SHKBP1: variants seen among roughly 807,000 people sequenced by gnomAD.
The protein encoded by SHKBP1 is SH3KBP1 binding protein 1.
In SHKBP1, 71 loss-of-function variants were observed where a neutral mutation model predicts 83.9. That is an observed-to-expected ratio of 0.85 (90% CI 0.70 to 1.03). The LOEUF is 1.03. Ranked by LOEUF, SHKBP1 falls within the 50% of genes least tolerant of loss-of-function variation. SHKBP1 has a pLI of 0.00. For missense variants in SHKBP1, 824 were observed against 982.4 expected, an observed-to-expected ratio of 0.84 and a Z score of 2.16; for synonymous variants, 371 against 398.0, an observed-to-expected ratio of 0.93 and a Z score of 0.81.
At chr19:40,583,845 T>G in intron 12 of SHKBP1, 128 bp downstream of exon 12, 1 of 710,954 alleles carries the variant, frequency 1.4e-6, no homozygotes, top group South Asian at 1.7e-5. Context: ...CAACTCTCTC[T>G]CATTTTTTTT....
Position 40,590,830 on chromosome 19 carries a change from C to T in SHKBP1, c.1869C>T (p.Pro623=). ...SAPSWGCLPS[P]SPRISLTSLH... ...CCTCATGGGGCTGTCTCCCCAGCCC[C>T]TCACCCCGCATCTCCCTCACCAGGT... The change falls in exon 17 of 18, where the codon CCC becomes CCT. Residue 623 remains proline, a synonymous_variant. Coordinates refer to ENST00000291842, the MANE Select transcript of SHKBP1 (RefSeq NM_138392.4). The surrounding 1 kb of genome is among the most constrained non-coding windows in gnomAD (Gnocchi z 4.6). 6.3e-7 allele frequency: 1 copy of T among 1,590,270 alleles called. No homozygotes were observed. The highest frequency in any genetic ancestry group is 1.1e-5 in the South Asian group (1 of 89,514).
At chr19:40,583,132 G>C (rs1319294768) in intron 10 of SHKBP1, among the ~76,000 whole-genome samples, 3 of 152,090 alleles carry the variant, frequency 2.0e-5, no homozygotes, top group African/African-American at 7.2e-5. Context: ...AACATAATAA[G>C]ACTCTGTCTC....
chr19:40,586,440 C>T (rs966008204), intron 12 of SHKBP1, among the ~76,000 whole-genome samples: 2 of 151,210 alleles, frequency 1.3e-5, no homozygotes, highest in South Asian at 2.1e-4. Context: ...GGTCTTGGCT[C>T]ATTGCAACCT....
At position 40,590,866 on chromosome 19, in the gene SHKBP1, C is replaced by A; in HGVS notation, c.1892+13C>A. 1 of 1,574,948 alleles carries A rather than the reference C, an allele frequency of 6.3e-7. No individual in the cohort carries two copies. The highest frequency in any genetic ancestry group is 8.7e-7 in the Non-Finnish European group (1 of 1,152,320). On this transcript the variant is annotated intron_variant, in intron 17 of 17. Coordinates refer to ENST00000291842, the MANE Select transcript of SHKBP1 (RefSeq NM_138392.4). This position sits in a 1 kb window ranked among gnomAD's most constrained non-coding sequence, Gnocchi z 4.6. ...TCTCCCTCACCAGGTAGCCACAACT[C>A]CACTGCCCCTTCTGTGCAATGAGGG...
intron 10 of SHKBP1, 92 bp from the exon 11 acceptor site, chr19:40,583,306 T>G (rs1343476649): frequency 9.5e-7 from 1 of 1,047,782 alleles, no homozygotes. Context: ...GTTCTGGAGG[T>G]GGAGGAGAGG....
chr19:40,590,515 C>T lies in SHKBP1; in HGVS notation c.1768+93C>T. On this transcript the variant is annotated intron_variant, in intron 16 of 17. Transcript: ENST00000291842. This position sits in a 1 kb window ranked among gnomAD's most constrained non-coding sequence, Gnocchi z 4.6. ...CAACTGCTTGATCTCTCTCCCAGGC[C>T]CTTGCCCTCTGACCCCTTTTCCTTT... 1 of 1,441,270 alleles carries T rather than the reference C, an allele frequency of 6.9e-7. No individual in the cohort carries two copies. The highest frequency in any genetic ancestry group is 9.4e-7 in the Non-Finnish European group (1 of 1,062,096). 89.3% of individuals were successfully genotyped at this position (1,441,270 alleles called of 1,614,324 possible).
At chr19:40,579,427 C>T (rs1480309377) in intron 6 of SHKBP1, among the ~76,000 whole-genome samples, 2 of 152,090 alleles carry the variant, frequency 1.3e-5, no homozygotes, top group African/African-American at 2.4e-5. Context: ...GTTTGGAGGC[C>T]GAGACAGGTG....
chr19:40,590,380 T>C lies in SHKBP1; in HGVS notation c.1726T>C (p.Trp576Arg). 1 of 1,611,990 alleles carries C rather than the reference T, an allele frequency of 6.2e-7. No homozygotes were observed. The highest frequency in any genetic ancestry group is 8.5e-7 in the Non-Finnish European group (1 of 1,179,428). ...TGQANGSLAM[W>R]DLTTAMDGLG... is the part of the protein sequence containing the mutation. ...CCAGGCCAACGGCAGCTTGGCCATG[T>C]GGGACCTAACCACCGCCATGGACGG... The change falls in exon 16 of 18, where the codon TGG (tryptophan) becomes CGG (arginine). Residue 576 changes from tryptophan (W) to arginine (R), a missense_variant. Physicochemically the swap from Trp to Arg is moderately radical, Grantham distance 101. Transcript: ENST00000291842. The surrounding 1 kb of genome is among the most constrained non-coding windows in gnomAD (Gnocchi z 4.6).
intron 6 of SHKBP1, chr19:40,580,031 CAA>C (rs35620022): frequency 0.14 from 8,953 of 62,942 alleles, 47 homozygotes; most frequent in East Asian, 0.19. Context: ...AACTCCAACT[CAA>C]AAAAAAAAAA....
At position 40,590,483 on chromosome 19, in the gene SHKBP1, C is replaced by G; in HGVS notation, c.1768+61C>G. 3 of 1,519,234 alleles carry G rather than the reference C, an allele frequency of 2.0e-6. No individual in the cohort carries two copies. The highest frequency in any genetic ancestry group is 1.3e-5 in the South Asian group (1 of 79,934). 94.1% of individuals were successfully genotyped at this position (1,519,234 alleles called of 1,614,324 possible). A position where few individuals can be genotyped will look rare whatever the true frequency, so the allele number is the denominator to read the frequency against. On this transcript the variant is annotated intron_variant, in intron 16 of 17. Coordinates refer to ENST00000291842, the MANE Select transcript of SHKBP1 (RefSeq NM_138392.4). This position sits in a 1 kb window ranked among gnomAD's most constrained non-coding sequence, Gnocchi z 4.6. ...CCACAGCCTCACCCAGAACCACTCTCCACTGCCAACTGCTTGATCTCTCTC... is the reference window on the plus strand; with the variant it reads ...CCACAGCCTCACCCAGAACCACTCTGCACTGCCAACTGCTTGATCTCTCTC...
At chr19:40,587,373 T>C (rs1045638135) in intron 13 of SHKBP1, among the ~76,000 whole-genome samples, 2 of 152,270 alleles carry the variant, frequency 1.3e-5, no homozygotes, top group South Asian at 2.1e-4. Flanking sequence ...GTAGATTACT[T>C]GAGGTCAGGA....
chr19:40,589,176 G>A lies in SHKBP1; in HGVS notation c.1587G>A (p.Gln529=). The A allele has an allele frequency of 1.2e-6, 2 of 1,610,260 alleles. No individual in the cohort carries two copies. Among genetic ancestry groups the A allele is most frequent in the South Asian group, 1.1e-5 (1 of 90,788 alleles). ...QLFVRLSSTG[Q]RVCSVRSVDG... ...TCGTGCGTCTCTCATCTACTGGGCAGCGGTGAGGACAGTCCTGTCCAACAG... is the reference window on the plus strand; with the variant it reads ...TCGTGCGTCTCTCATCTACTGGGCAACGGTGAGGACAGTCCTGTCCAACAG... The change falls in exon 15 of 18, where the codon CAG becomes CAA. Residue 529 remains glutamine (Q), a splice_region_variant and synonymous_variant. Transcript: ENST00000291842.
Position 40,588,393 on chromosome 19 carries a change from G to A in SHKBP1, c.1337-231G>A, listed in dbSNP as rs529395041. Among the ~76,000 whole-genome samples, 10 of 152,322 alleles carry A rather than the reference G, an allele frequency of 6.6e-5. No homozygotes were observed. The South Asian group carries it at 1.9e-3, about 28-fold the overall frequency. ...GCAGGTGACGAAATGGACCAGGACC[G>A]GTGTGGGGCAGAGGATAGGGCAAGG... On this transcript the variant is annotated intron_variant, in intron 13 of 17. Coordinates refer to ENST00000291842, the MANE Select transcript of SHKBP1 (RefSeq NM_138392.4).
At chr19:40,588,493 G>C in intron 13 of SHKBP1, 131 bp from the exon 14 acceptor site, 1 of 1,153,032 alleles carries the variant, frequency 8.7e-7, no homozygotes, top group East Asian at 2.4e-5. Flanking sequence ...GGGGAGGAAA[G>C]GATTCTCTGA....
intron 13 of SHKBP1, among the ~76,000 whole-genome samples, chr19:40,587,817 T>C (rs1257419729): frequency 1.3e-5 from 2 of 151,960 alleles, no homozygotes; most frequent in East Asian, 1.9e-4. Flanking sequence ...GGTGGAGGGA[T>C]CACTTGAGCC....
intron 13 of SHKBP1, among the ~76,000 whole-genome samples, chr19:40,588,392 C>T (rs948281916): frequency 1.3e-5 from 2 of 152,168 alleles, no homozygotes; most frequent in Non-Finnish European, 2.9e-5. Flanking sequence ...GGACCAGGAC[C>T]GGTGTGGGGC....
chr19:40,583,402 A>G lies in SHKBP1; in HGVS notation c.965A>G (p.Gln322Arg). The change falls in exon 11 of 18, where the codon CAG becomes CGG. Residue 322 changes from glutamine (Q) to arginine (R), a missense_variant. By Grantham distance (43) the Gln-to-Arg change is conservative. Transcript: ENST00000291842. ...WNAVTKHWQV[Q>R]EVQPITSYDA... ...CCTGTCCTGCCCCACCCCCAGGTCC[A>G]GGAGGTGCAGCCCATCACCAGTTAT... The G allele has an allele frequency of 1.3e-6, 2 of 1,578,744 alleles. No individual in the cohort carries two copies. The highest frequency in any genetic ancestry group is 1.7e-6 in the Non-Finnish European group (2 of 1,162,032).
intron 13 of SHKBP1, among the ~76,000 whole-genome samples, chr19:40,587,565 T>G (rs561733792): frequency 4.6e-5 from 7 of 151,524 alleles, no homozygotes; most frequent in Admixed American, 3.3e-4. Flanking sequence ...CACTCCAGCC[T>G]AGGCAACAGA....
Position 40,588,619 on chromosome 19 carries a change from C to T in SHKBP1, c.1337-5C>T, listed in dbSNP as rs1303738992. 1.9e-6 allele frequency: 3 copies of T among 1,614,192 alleles called. No individual in the cohort carries two copies. Among genetic ancestry groups the T allele is most frequent in the Non-Finnish European group, 2.5e-6 (3 of 1,180,026 alleles). ...CTGACTTCCTGCTCTCCTTGTGCCCCTCAGTCTGTGCCGACAACAACCACG... is the reference window on the plus strand; with the variant it reads ...CTGACTTCCTGCTCTCCTTGTGCCCTTCAGTCTGTGCCGACAACAACCACG... On this transcript the variant is annotated splice_region_variant and splice_polypyrimidine_tract_variant and intron_variant, in intron 13 of 17. Transcript: ENST00000291842.
Sources: gnomAD v4.1 joint callset for allele counts (sites outside exome capture counted in the v4.1 genomes callset) on GRCh38, gnomAD v4.1.1 for gene constraint, Gnocchi (gnomAD v3.1) non-coding constraint, MANE v1.5 for transcripts, NCBI Gene and HGNC (gene_info 2026-07-23, HGNC 2026-07-21) for gene names.